The following WDPCP variants were observed in gnomAD, a reference collection of about 807,000 sequenced individuals.
The protein encoded by WDPCP is WD repeat containing planar cell polarity effector, also known as WD repeat-containing and planar cell polarity effector protein fritz homolog.
A neutral mutation model predicts 93.1 loss-of-function variants in WDPCP; 71 were observed. The observed-to-expected ratio is 0.76, with a 90% CI of 0.63 to 0.93. The LOEUF is 0.93. WDPCP is among the 40% of genes least tolerant of loss of function. WDPCP has a pLI of 0.00. For missense variants in WDPCP, 844 were observed against 887.4 expected (o/e 0.95, Z 0.62); for synonymous variants, 315 against 315.0 (o/e 1.00, Z 0.00).
intron 14 of WDPCP, among the ~76,000 whole-genome samples, chr2:63,204,405 A>T (rs1194136264): frequency 7.3e-6 from 1 of 136,292 alleles, no homozygotes; most frequent in Non-Finnish European, 1.5e-5. Context: ...GCAATGGTGC[A>T]GTCTTGGCTC....
intron 1 of WDPCP, among the ~76,000 whole-genome samples, chr2:63,826,953 T>C (rs897997395): frequency 1.3e-5 from 2 of 152,196 alleles, no homozygotes; most frequent in African/African-American, 4.8e-5. Flanking sequence ...ATCCATTTGG[T>C]ATTTATTTGA....
intron 2 of WDPCP, among the ~76,000 whole-genome samples, chr2:63,812,269 G>A (rs1182140836): frequency 2.6e-5 from 4 of 152,020 alleles, no homozygotes; most frequent in Non-Finnish European, 2.9e-5. Context: ...TTATGGCACC[G>A]TTCTATTGTG....
intron 2 of WDPCP, among the ~76,000 whole-genome samples, chr2:63,759,797 C>G (rs112888773): frequency 0.017 from 2,591 of 152,366 alleles, 24 homozygotes; most frequent in African/African-American, 0.019. Flanking sequence ...CAATGAACAG[C>G]AGAACCTCCA....
At chr2:63,335,442 A>G (rs1332701118) in intron 12 of WDPCP, among the ~76,000 whole-genome samples, 1 of 82,160 alleles carries the variant, frequency 1.2e-5, no homozygotes, top group African/African-American at 4.5e-5. Flanking sequence ...TTTTTTTTTG[A>G]GACAGGGTGT....
intron 3 of WDPCP, chr2:63,604,651 A>G (rs1441518643): frequency 7.9e-6 from 12 of 1,510,218 alleles, no homozygotes; most frequent in Non-Finnish European, 1.1e-5. Flanking sequence ...AATTGGAAAT[A>G]AAAACCATTT....
intron 14 of WDPCP, among the ~76,000 whole-genome samples, chr2:63,241,884 C>T (rs936452276): frequency 1.3e-5 from 2 of 152,144 alleles, no homozygotes; most frequent in African/African-American, 4.8e-5. Context: ...GTGTGAGCCA[C>T]TGCACCTAGG....
chr2:63,705,455 T>A (rs569403909), intron 2 of WDPCP, among the ~76,000 whole-genome samples: 13 of 152,254 alleles, frequency 8.5e-5, no homozygotes, highest in East Asian at 1.9e-4. Flanking sequence ...ATTTCCCTCC[T>A]CACACTGCTT....
chr2:63,276,819 G>C (rs1683122389), intron 13 of WDPCP, among the ~76,000 whole-genome samples: 1 of 152,112 alleles, frequency 6.6e-6, no homozygotes, highest in Non-Finnish European at 1.5e-5. Context: ...GAATAATCGA[G>C]GAAAACTTCC....
In WDPCP at chr2:63,698,144, C is replaced by T. The variant is rs533652968; in HGVS notation, n.309-47306G>A. On this transcript the variant is annotated intron_variant and non_coding_transcript_variant, in intron 2 of 4. Coordinates refer to the WDPCP transcript ENST00000467687. Reference sequence around the variant, plus strand: ...CTAATTTTTGTATTTTTATTAGAGACGGGGTTTCACCATGTTGGCCAGGCT... The same window carrying T: ...CTAATTTTTGTATTTTTATTAGAGATGGGGTTTCACCATGTTGGCCAGGCT... Among the ~76,000 whole-genome samples the T allele has an allele frequency of 3.3e-5, 5 of 151,036 alleles. No individual in the cohort carries two copies. The South Asian group carries it at 1.0e-3, about 32-fold the overall frequency.
At chr2:63,133,583 T>G (rs1670433322) in intron 17 of WDPCP, among the ~76,000 whole-genome samples, 1 of 152,058 alleles carries the variant, frequency 6.6e-6, no homozygotes, top group Non-Finnish European at 1.5e-5. Context: ...TAGTGAAGAG[T>G]TCTCACAAGA....
intron 13 of WDPCP, among the ~76,000 whole-genome samples, chr2:63,282,634 A>G (rs1683657033): frequency 6.6e-6 from 1 of 152,190 alleles, no homozygotes; most frequent in African/African-American, 2.4e-5. Flanking sequence ...TCTGAATGTA[A>G]TTTTTTTGAT....
intron 6 of WDPCP, among the ~76,000 whole-genome samples, chr2:63,482,600 G>A (rs1700333174): frequency 6.6e-6 from 1 of 151,924 alleles, no homozygotes; most frequent in African/African-American, 2.4e-5. Context: ...TTTTGAAATA[G>A]AACCTACATA....
intron 1 of WDPCP, among the ~76,000 whole-genome samples, chr2:63,501,650 C>T (rs1379801861): frequency 6.6e-6 from 1 of 152,172 alleles, no homozygotes; most frequent in Non-Finnish European, 1.5e-5. Flanking sequence ...GAGTTTCACT[C>T]TTGTCAGCCA....
chr2:63,149,824 A>G (rs1671771938), intron 17 of WDPCP, among the ~76,000 whole-genome samples: 2 of 152,182 alleles, frequency 1.3e-5, no homozygotes, highest in South Asian at 4.1e-4. Flanking sequence ...CAATATAGCA[A>G]GACCCTGTCT....
chr2:63,246,781 C>A (rs939199352), intron 14 of WDPCP, among the ~76,000 whole-genome samples: 12 of 152,134 alleles, frequency 7.9e-5, no homozygotes, highest in African/African-American at 2.9e-4. Flanking sequence ...AACAAATATA[C>A]CTTCAGAGTC....
intron 1 of WDPCP, among the ~76,000 whole-genome samples, chr2:63,581,133 C>A (rs771680032): frequency 9.9e-5 from 15 of 152,212 alleles, no homozygotes; most frequent in East Asian, 1.9e-4. Flanking sequence ...GAACTAAAAA[C>A]CAACGTAGAA....
intron 3 of WDPCP, among the ~76,000 whole-genome samples, chr2:63,639,355 G>A (rs1709956517): frequency 6.6e-6 from 1 of 152,134 alleles, no homozygotes; most frequent in South Asian, 2.1e-4. Context: ...TGTTGCCCAG[G>A]CTGATCTATC....
At chr2:63,365,082 A>G (rs1690795516) in intron 12 of WDPCP, among the ~76,000 whole-genome samples, 1 of 152,208 alleles carries the variant, frequency 6.6e-6, no homozygotes, top group Non-Finnish European at 1.5e-5. Flanking sequence ...TGGCAACTGC[A>G]GTCAAAGTAA....
At chr2:63,422,645 G>A (rs1432313327) in intron 9 of WDPCP, among the ~76,000 whole-genome samples, 6 of 152,072 alleles carry the variant, frequency 3.9e-5, no homozygotes, top group African/African-American at 1.4e-4. Context: ...AATGGATCTA[G>A]GCATTGAACA....
Sources: gnomAD v4.1 joint callset for allele counts (sites outside exome capture counted in the v4.1 genomes callset) on GRCh38, gnomAD v4.1.1 for gene constraint, MANE v1.5 for transcripts, NCBI Gene and HGNC (gene_info 2026-07-23, HGNC 2026-07-21) for gene names.